Variants in KCNN2 observed in about 807,000 individuals in gnomAD.
The protein encoded by KCNN2 is small conductance calcium-activated potassium channel protein 2.
A neutral mutation model predicts 55.5 loss-of-function variants in KCNN2; 24 were observed. The ratio of observed to expected loss-of-function variants is 0.43; its 90% CI spans 0.31 to 0.61. KCNN2 has a LOEUF of 0.61. Ranked by LOEUF, KCNN2 falls within the 20% of genes least tolerant of loss-of-function variation. The pLI is 0.08. For missense variants in KCNN2, 754 were observed against 853.6 expected, an observed-to-expected ratio of 0.88 and a Z score of 1.45; for synonymous variants, 431 against 336.1, an observed-to-expected ratio of 1.28 and a Z score of -3.09.
At chr5:114,479,510 G>A (rs1485210126) in intron 5 of KCNN2, among the ~76,000 whole-genome samples, 1 of 152,108 alleles carries the variant, frequency 6.6e-6, no homozygotes, top group Non-Finnish European at 1.5e-5. Flanking sequence ...ACAGAAAATT[G>A]TAACAGAGAT....
At chr5:114,310,749 T>C (rs1194616040) in intron 2 of KCNN2, among the ~76,000 whole-genome samples, 2 of 152,132 alleles carry the variant, frequency 1.3e-5, no homozygotes, top group Non-Finnish European at 2.9e-5. Context: ...AAATTGCACT[T>C]TCCTGTGTAT....
chr5:114,130,869 C>G (rs1752057709), intron 1 of KCNN2, among the ~76,000 whole-genome samples: 1 of 152,170 alleles, frequency 6.6e-6, no homozygotes, highest in South Asian at 2.1e-4. Flanking sequence ...CCTTGCACAG[C>G]AGTCATTCAA....
chr5:114,310,247 G>T (rs564155084), intron 2 of KCNN2, among the ~76,000 whole-genome samples: 2 of 152,122 alleles, frequency 1.3e-5, no homozygotes, highest in Non-Finnish European at 2.9e-5. Context: ...GAGAGACCAC[G>T]AGAGAGATGG....
chr5:114,093,476 T>A (rs565056884), intron 1 of KCNN2, among the ~76,000 whole-genome samples: 1 of 152,272 alleles, frequency 6.6e-6, no homozygotes, highest in Admixed American at 6.5e-5. Flanking sequence ...TTGGGTATGT[T>A]TTTAACAGTG....
At chr5:114,478,389 T>C (rs1017407627) in intron 5 of KCNN2, among the ~76,000 whole-genome samples, 1 of 150,710 alleles carries the variant, frequency 6.6e-6, no homozygotes, top group African/African-American at 2.4e-5. Flanking sequence ...TCCGAGAATA[T>C]GGGATTATGT....
chr5:114,421,137 A>C (rs1759459591), intron 3 of KCNN2, among the ~76,000 whole-genome samples: 1 of 151,884 alleles, frequency 6.6e-6, no homozygotes, highest in African/African-American at 2.4e-5. Flanking sequence ...TGATTTTAGT[A>C]TATGTTTCCT....
intron 5 of KCNN2, among the ~76,000 whole-genome samples, chr5:114,479,839 CAA>C (rs1404803234): frequency 4.6e-5 from 7 of 151,988 alleles, no homozygotes; most frequent in Non-Finnish European, 1.0e-4. Context: ...CTAATGAGAA[CAA>C]AGAGGCAACG....
At chr5:114,165,556 G>A (rs1344915009) in intron 1 of KCNN2, among the ~76,000 whole-genome samples, 1 of 152,120 alleles carries the variant, frequency 6.6e-6, no homozygotes, top group Non-Finnish European at 1.5e-5. Flanking sequence ...TAGGTTGATT[G>A]TGACTTCTAC....
chr5:114,371,312 A>G (rs988635801), intron 2 of KCNN2, among the ~76,000 whole-genome samples: 1 of 152,170 alleles, frequency 6.6e-6, no homozygotes, highest in Non-Finnish European at 1.5e-5. Context: ...AGACTATTTA[A>G]ACCCACAGGA....
chr5:114,357,749 G>A (rs1176088366), upstream of KCNN2, among the ~76,000 whole-genome samples: 65 of 142,290 alleles, frequency 4.6e-4, 1 homozygote, highest in South Asian at 7.0e-4. Context: ...GAATAATGCC[G>A]CAATAAACAT....
At chr5:114,305,448 G>T (rs11958855) in intron 2 of KCNN2, among the ~76,000 whole-genome samples, 1 of 151,996 alleles carries the variant, frequency 6.6e-6, no homozygotes, top group Admixed American at 6.5e-5. Flanking sequence ...CTGTGTTGGG[G>T]TACCAAGAGA....
intron 2 of KCNN2, among the ~76,000 whole-genome samples, chr5:114,375,309 G>C (rs1029347735): frequency 6.6e-6 from 1 of 152,136 alleles, no homozygotes; most frequent in African/African-American, 2.4e-5. Flanking sequence ...TGACATAAAA[G>C]TGATGGCTGT....
At chr5:114,326,367 G>C (rs909734849) in intron 2 of KCNN2, among the ~76,000 whole-genome samples, 1 of 152,300 alleles carries the variant, frequency 6.6e-6, no homozygotes. Flanking sequence ...CAGTAAGAAG[G>C]ATGAAGTGGC....
intron 3 of KCNN2, among the ~76,000 whole-genome samples, chr5:114,453,539 G>A (rs1169657883): frequency 6.6e-6 from 1 of 152,104 alleles, no homozygotes; most frequent in East Asian, 1.9e-4. Context: ...TTTAGAGATA[G>A]ATGTGTGCCT....
At chr5:114,415,051 T>A (rs1759263785) in intron 3 of KCNN2, among the ~76,000 whole-genome samples, 1 of 152,244 alleles carries the variant, frequency 6.6e-6, no homozygotes, top group South Asian at 2.1e-4. Context: ...TTTCTGAGGC[T>A]GTCATATAAA....
rs189874438 is a variant in KCNN2 at position 114,079,811 on chromosome 5, T to C, written c.-271+23311T>C. 5.3e-4 allele frequency among the ~76,000 whole-genome samples: 80 copies of C among 149,584 alleles called. 1 individual carries two copies. Among genetic ancestry groups the C allele is most frequent in the African/African-American group, 1.8e-3 (74 of 40,070 alleles). ...CTTTAAGAGGAAAATCAATAAACAG[T>C]AGATACTTAATATGTGTGTGTGTGT... On this transcript the variant is annotated intron_variant, in intron 1 of 10. Transcript: ENST00000512097.
chr5:114,162,627 C>A (rs1752812879), intron 1 of KCNN2, among the ~76,000 whole-genome samples: 1 of 152,192 alleles, frequency 6.6e-6, no homozygotes, highest in East Asian at 1.9e-4. Context: ...AGGCAGGCCT[C>A]CTTGAGCTGT....
At chr5:114,412,171 G>A (rs748298232) in intron 3 of KCNN2, among the ~76,000 whole-genome samples, 3 of 152,128 alleles carry the variant, frequency 2.0e-5, no homozygotes, top group Non-Finnish European at 4.4e-5. Context: ...TAGAGAATAT[G>A]TAATTTGGGG....
chr5:114,350,837 C>G (rs1355578769), intron 2 of KCNN2, among the ~76,000 whole-genome samples: 1 of 151,828 alleles, frequency 6.6e-6, no homozygotes, highest in Non-Finnish European at 1.5e-5. Context: ...ATGCCATTAC[C>G]ACACTATCTT....
Sources: gnomAD v4.1 joint callset for allele counts (sites outside exome capture counted in the v4.1 genomes callset) on GRCh38, gnomAD v4.1.1 for gene constraint, MANE v1.5 for transcripts, NCBI Gene and HGNC (gene_info 2026-07-23, HGNC 2026-07-21) for gene names.